CACNB2: variants seen among roughly 807,000 people sequenced by gnomAD.
The protein encoded by CACNB2 is voltage-dependent L-type calcium channel subunit beta-2.
A neutral mutation model predicts 73.3 loss-of-function variants in CACNB2; 42 were observed. The observed-to-expected ratio is 0.57, with a 90% CI of 0.45 to 0.74. The LOEUF is 0.74. Among genes scored for constraint, CACNB2 ranks in the 30% least tolerant of loss-of-function variants. The pLI, the probability that CACNB2 is intolerant of heterozygous loss-of-function variation, is 0.00. For synonymous variants in CACNB2, 348 were observed against 310.3 expected, an observed-to-expected ratio of 1.12 and a Z score of -1.28; for missense variants, 940 against 853.0, an observed-to-expected ratio of 1.10 and a Z score of -1.27.
chr10:18,472,654 T>C (rs1340258681), intron 3 of CACNB2, among the ~76,000 whole-genome samples: 1 of 152,310 alleles, frequency 6.6e-6, no homozygotes, highest in South Asian at 2.1e-4. Flanking sequence ...TTTAGTGTCT[T>C]TGGTTTAAAT....
At chr10:18,269,471 C>T (rs2037954510) in intron 2 of CACNB2, among the ~76,000 whole-genome samples, 1 of 152,184 alleles carries the variant, frequency 6.6e-6, no homozygotes, top group Non-Finnish European at 1.5e-5. Context: ...CCATCCTCAA[C>T]TCTAGAGAAG....
intron 2 of CACNB2, among the ~76,000 whole-genome samples, chr10:18,289,341 C>T (rs1402709928): frequency 2.2e-5 from 3 of 134,208 alleles, no homozygotes; most frequent in African/African-American, 8.8e-5. Flanking sequence ...GTTGCCCAGG[C>T]TGGAGTGCAG....
At chr10:18,233,308 A>G (rs960422459) in intron 2 of CACNB2, among the ~76,000 whole-genome samples, 5 of 152,044 alleles carry the variant, frequency 3.3e-5, no homozygotes, top group African/African-American at 1.2e-4. Context: ...AGGATGGGAC[A>G]CTTAAGTCTC....
chr10:18,216,025 G>A (rs1459016689), intron 2 of CACNB2, among the ~76,000 whole-genome samples: 1 of 152,060 alleles, frequency 6.6e-6, no homozygotes, highest in Non-Finnish European at 1.5e-5. Flanking sequence ...GCCAGGTGTG[G>A]TGGCTCATGC....
At chr10:18,309,884 G>C (rs2039891602) in intron 2 of CACNB2, among the ~76,000 whole-genome samples, 1 of 152,174 alleles carries the variant, frequency 6.6e-6, no homozygotes, top group African/African-American at 2.4e-5. Context: ...AAAGACTATT[G>C]ATAAGATTAT....
At chr10:18,256,973 T>A (rs1409211636) in intron 2 of CACNB2, 2 of 152,012 alleles carry the variant, frequency 1.3e-5, no homozygotes, top group East Asian at 3.9e-4. Context: ...ACAATAGTAA[T>A]AATAGTACAA....
chr10:18,479,430 A>T (rs1243550296), intron 3 of CACNB2, among the ~76,000 whole-genome samples: 1 of 152,130 alleles, frequency 6.6e-6, no homozygotes, highest in Non-Finnish European at 1.5e-5. Context: ...AAAAAAACTT[A>T]AGAGAACTTC....
In CACNB2 at chr10:18,527,101, C is replaced by G. The variant is rs80251044; in HGVS notation, c.945-487C>G. On this transcript the variant is annotated intron_variant, in intron 9 of 13. Coordinates refer to ENST00000324631, the MANE Select transcript of CACNB2 (RefSeq NM_201596.3). ...AACGTAAGGCAGGTGCAGGATAGGG[C>G]CGGGCGCGGTGGCTCACACCTATAA... 8.3e-3 allele frequency among the ~76,000 whole-genome samples: 1,261 copies of G among 151,402 alleles called. 22 individuals are homozygous for G. Among genetic ancestry groups the G allele is most frequent in the African/African-American group, 0.029 (1,211 of 41,204 alleles).
intron 10 of CACNB2, among the ~76,000 whole-genome samples, chr10:18,528,471 G>A (rs2052693148): frequency 6.6e-6 from 1 of 152,214 alleles, no homozygotes; most frequent in South Asian, 2.1e-4. Flanking sequence ...TAAACTTTCT[G>A]AGAGTTGTGT....
chr10:18,404,622 A>G (rs1048491297), intron 3 of CACNB2, among the ~76,000 whole-genome samples: 1 of 152,214 alleles, frequency 6.6e-6, no homozygotes, highest in African/African-American at 2.4e-5. Flanking sequence ...CTCACCTTAC[A>G]GATCACATGT....
chr10:18,486,382 A>G lies in CACNB2; in HGVS notation c.334-11973A>G, dbSNP rs141979321. On this transcript the variant is annotated intron_variant, in intron 3 of 13. Transcript: ENST00000324631. The stretch of plus-strand genomic sequence containing the variant: ...TATTTCATAACCAAAGATATTTTTA[A>G]GTTAATTATCTCCTCCTATAATAAT... Among the ~76,000 whole-genome samples the G allele has an allele frequency of 3.3e-3, 504 of 152,336 alleles. 1 individual carries two copies. Among genetic ancestry groups the G allele is most frequent in the Non-Finnish European group, 5.6e-3 (382 of 68,028 alleles).
At chr10:18,311,392 C>T (rs2039959828) in intron 2 of CACNB2, among the ~76,000 whole-genome samples, 1 of 152,036 alleles carries the variant, frequency 6.6e-6, no homozygotes, top group Non-Finnish European at 1.5e-5. Flanking sequence ...ATAGACAAAC[C>T]TTGAGCAATG....
At chr10:18,519,296 T>C (rs1376135918) in intron 9 of CACNB2, among the ~76,000 whole-genome samples, 2 of 152,154 alleles carry the variant, frequency 1.3e-5, no homozygotes, top group African/African-American at 4.8e-5. Context: ...CCATTCACTT[T>C]TCCACTCTTC....
intron 9 of CACNB2, among the ~76,000 whole-genome samples, chr10:18,521,871 T>A (rs1404149059): frequency 6.6e-6 from 1 of 152,148 alleles, no homozygotes; most frequent in Non-Finnish European, 1.5e-5. Flanking sequence ...ATCCTAACAA[T>A]GCAACTACAA....
At chr10:18,484,981 C>A (rs1016700645) in intron 3 of CACNB2, among the ~76,000 whole-genome samples, 1 of 151,928 alleles carries the variant, frequency 6.6e-6, no homozygotes, top group Admixed American at 6.6e-5. Flanking sequence ...ATAGTGAAAC[C>A]CTGTCTCTAC....
At chr10:18,481,228 A>T (rs909971804) in intron 3 of CACNB2, among the ~76,000 whole-genome samples, 525 of 14,222 alleles carry the variant, frequency 0.037, 62 homozygotes, top group Middle Eastern at 0.25. Context: ...ATATATATAT[A>T]TATTTTTTTT....
chr10:18,415,219 C>A (rs1019565570), intron 3 of CACNB2, among the ~76,000 whole-genome samples: 18 of 152,088 alleles, frequency 1.2e-4, no homozygotes, highest in African/African-American at 4.3e-4. Flanking sequence ...AATCTCAGCA[C>A]TTCGAGAGGC....
intron 2 of CACNB2, among the ~76,000 whole-genome samples, chr10:18,389,647 G>A (rs1386335541): frequency 1.3e-5 from 2 of 152,150 alleles, no homozygotes; most frequent in East Asian, 1.9e-4. Context: ...CTAGTTCCTA[G>A]AAGTGAAATT....
At chr10:18,343,805 G>C (rs1040201771) in intron 2 of CACNB2, among the ~76,000 whole-genome samples, 2 of 152,154 alleles carry the variant, frequency 1.3e-5, no homozygotes, top group Non-Finnish European at 2.9e-5. Context: ...AGCTATCAGC[G>C]GGCTGGGAGG....
Sources: gnomAD v4.1 joint callset for allele counts (sites outside exome capture counted in the v4.1 genomes callset) on GRCh38, gnomAD v4.1.1 for gene constraint, MANE v1.5 for transcripts, NCBI Gene and HGNC (gene_info 2026-07-23, HGNC 2026-07-21) for gene names.